The following CHEK2 variants were observed in gnomAD, a reference collection of about 807,000 sequenced individuals.
CHEK2 encodes the protein checkpoint kinase 2, also known as serine/threonine-protein kinase Chk2.
In CHEK2, 71 loss-of-function variants were observed where a neutral mutation model predicts 69.1. The observed-to-expected ratio is 1.03, with a 90% CI of 0.85 to 1.25. CHEK2 has a LOEUF of 1.25. CHEK2 is among the 50% of genes most tolerant of loss of function. The pLI is 0.00. For missense variants in CHEK2, 664 were observed against 649.6 expected (o/e 1.02, Z -0.24); for synonymous variants, 189 against 226.9 (o/e 0.83, Z 1.50).
At position 28,710,010 on chromosome 22, in the gene CHEK2, T is replaced by C. The variant is rs587782196; in HGVS notation, c.842A>G (p.Asn281Ser). Residue 281 changes from asparagine (N) to serine (S), a missense_variant, in exon 7 of 15, where the codon AAT becomes AGT. Asn to Ser is a conservative substitution (Grantham distance 46). Coordinates refer to ENST00000404276, the MANE Select transcript of CHEK2 (RefSeq NM_007194.4). ...ETEIEILKKLNHPCIIKIKNF... is the reference protein window; with the variant it reads ...ETEIEILKKLSHPCIIKIKNF... The stretch of plus-strand genomic sequence containing the variant: ...GAGTCATATAATAATACTTACATGA[T>C]TTAGCTTTTTCAAAATTTCTATTTC... The C allele has an allele frequency of 6.0e-6, 9 of 1,511,266 alleles. No homozygotes were observed. Among genetic ancestry groups the C allele is most frequent in the Middle Eastern group, 4.3e-4 (2 of 4,670 alleles). 93.6% of individuals were successfully genotyped at this position (1,511,266 alleles called of 1,614,324 possible).
At chr22:28,734,049 C>T (rs1344332003) in intron 2 of CHEK2, among the ~76,000 whole-genome samples, 2 of 152,132 alleles carry the variant, frequency 1.3e-5, no homozygotes, top group African/African-American at 4.8e-5. Flanking sequence ...CTTGGAATGG[C>T]CGAGCTCCAA....
At chr22:28,703,939 T>A (rs181034423) in intron 7 of CHEK2, among the ~76,000 whole-genome samples, 1 of 152,256 alleles carries the variant, frequency 6.6e-6, no homozygotes, top group Admixed American at 6.5e-5. Context: ...GAATAAAAGC[T>A]GTCAAGTAGG....
chr22:28,724,116 T>C (rs2053901284), intron 4 of CHEK2, among the ~76,000 whole-genome samples: 1 of 151,924 alleles, frequency 6.6e-6, no homozygotes, highest in African/African-American at 2.4e-5. Flanking sequence ...ATAATTCAAT[T>C]AACAGTATAT....
chr22:28,718,342 T>C (rs914221641), intron 5 of CHEK2, among the ~76,000 whole-genome samples: 2 of 152,158 alleles, frequency 1.3e-5, no homozygotes, highest in Non-Finnish European at 2.9e-5. Context: ...AGTAAATTAG[T>C]ACAGCCATTT....
intron 2 of CHEK2, among the ~76,000 whole-genome samples, chr22:28,733,606 C>G (rs1429350097): frequency 6.6e-6 from 1 of 152,118 alleles, no homozygotes; most frequent in Non-Finnish European, 1.5e-5. Flanking sequence ...GGCAGGGAAT[C>G]TATGGCCAAT....
intron 4 of CHEK2, chr22:28,721,635 T>C (rs978194940): frequency 2.2e-6 from 1 of 457,438 alleles, no homozygotes; most frequent in Admixed American, 2.6e-5. Flanking sequence ...ATTTTCTCTA[T>C]TAAAAAAAAA....
rs1289822691 is a variant in CHEK2, at chr22:28,716,016, C to T, written c.683+3379G>A. Among the ~76,000 whole-genome samples, 3 of 151,824 alleles carry T rather than the reference C, an allele frequency of 2.0e-5. No individual in the cohort carries two copies. The South Asian group carries it at 6.2e-4, about 31-fold the overall frequency. ...AAGTAGCTGGGACTACAGGTGCAGA[C>T]CGCAACGCTCAGCTAACTTTTTCTA... On this transcript the variant is annotated intron_variant, in intron 5 of 14. Transcript: ENST00000404276.
At chr22:28,701,085 G>A (rs577334756) in intron 8 of CHEK2, among the ~76,000 whole-genome samples, 30 of 151,410 alleles carry the variant, frequency 2.0e-4, no homozygotes, top group East Asian at 2.0e-4. Flanking sequence ...CACCGTGCCC[G>A]GCTCTGTATT....
chr22:28,741,372 G>A (rs1054842920), intron 1 of CHEK2, among the ~76,000 whole-genome samples: 3 of 151,764 alleles, frequency 2.0e-5, no homozygotes, highest in Admixed American at 6.6e-5. Context: ...GGGACACGCA[G>A]AACATCCTCC....
intron 11 of CHEK2, 30 bp from the exon 12 acceptor site, chr22:28,695,272 G>T (rs1237085596): frequency 5.7e-6 from 7 of 1,234,254 alleles, no homozygotes; most frequent in East Asian, 2.3e-5. Flanking sequence ...GAAAGGAAAA[G>T]AAATCAAGTG....
chr22:28,690,510 C>G (rs2052319097), intron 13 of CHEK2, among the ~76,000 whole-genome samples: 1 of 151,936 alleles, frequency 6.6e-6, no homozygotes. Context: ...CGCCTGTAAT[C>G]CCAGCTACTC....
intron 4 of CHEK2, among the ~76,000 whole-genome samples, chr22:28,722,207 A>C (rs779469433): frequency 2.6e-5 from 4 of 152,064 alleles, no homozygotes; most frequent in Non-Finnish European, 4.4e-5. Context: ...ACAAACAGCA[A>C]AACCTAAAGC....
intron 4 of CHEK2, among the ~76,000 whole-genome samples, chr22:28,722,539 C>CAAAAAAAAAAAAAAA (rs755107963): frequency 4.6e-4 from 31 of 67,822 alleles, no homozygotes; most frequent in Non-Finnish European, 7.2e-4. Context: ...GACTCCGTCT[C>CAAAAAAAAAAAAAAA]AAAAAAAAAA....
chr22:28,737,705 C>T (rs1601361099), intron 1 of CHEK2, among the ~76,000 whole-genome samples: 1 of 152,028 alleles, frequency 6.6e-6, no homozygotes, highest in East Asian at 1.9e-4. Flanking sequence ...AACTGCAGAC[C>T]TCAGGTGATC....
Position 28,689,186 on chromosome 22 carries a change from A to G in CHEK2, c.1491T>C (p.Asp497=), listed in dbSNP as rs762041905. 13 of 1,594,054 alleles carry G rather than the reference A, an allele frequency of 8.2e-6. No individual in the cohort carries two copies. The East Asian group carries it at 2.5e-4, about 30-fold the overall frequency. Residue 497 remains aspartate (D), a synonymous_variant, in exon 14 of 15, where the codon GAT becomes GAC. Transcript: ENST00000404276. ...QDEDMKRKFQ[D]LLSEENESTA... ...TGGATTCATTTTCCTCAGACAGAAG[A>G]TCTTGAAACTTTCTCTTCATGTCTT...
intron 2 of CHEK2, chr22:28,730,670 C>G (rs1475241552): frequency 2.3e-6 from 1 of 434,990 alleles, no homozygotes; most frequent in Non-Finnish European, 4.2e-6. Context: ...CCAGCCTGGC[C>G]AACATGGTGA....
rs1555932504 is a variant in CHEK2, at chr22:28,734,585, A to C, written c.137T>G (p.Met46Arg). 6.2e-7 allele frequency: 1 copy of C among 1,613,896 alleles called. No individual in the cohort carries two copies. Among genetic ancestry groups the C allele is most frequent in the Non-Finnish European group, 8.5e-7 (1 of 1,180,018 alleles). The change falls in exon 2 of 15, where the codon ATG becomes AGG. Residue 46 changes from methionine to arginine, a missense_variant. By Grantham distance (91) the Met-to-Arg change is moderately conservative. Coordinates refer to ENST00000404276, the MANE Select transcript of CHEK2 (RefSeq NM_007194.4). ...QGISSSSTST[M>R]PNSSQSSHSS... ...GTGAGAGGACTGGCTGGAGTTTGGCATCGTGCTGGTAGAGGAGCTGGATAT... is the reference window on the plus strand; with the variant it reads ...GTGAGAGGACTGGCTGGAGTTTGGCCTCGTGCTGGTAGAGGAGCTGGATAT...
rs773670297 is a variant in CHEK2 at position 28,687,906 on chromosome 22, A to G, written c.1623T>C (p.Ala541=). The G allele has an allele frequency of 1.7e-5, 27 of 1,596,198 alleles. No homozygotes were observed. Among genetic ancestry groups the G allele is most frequent in the Non-Finnish European group, 2.2e-5 (26 of 1,179,628 alleles). Residue 541 remains alanine (A), a synonymous_variant, in exon 15 of 15, where the codon GCT becomes GCC. Coordinates refer to ENST00000404276, the MANE Select transcript of CHEK2 (RefSeq NM_007194.4). Reference sequence around the variant, plus strand: ...GTTCAAACCACGGAGTTCACAACACAGCAGCACACACAGCTGGGCGCTTTG... The same window carrying G: ...GTTCAAACCACGGAGTTCACAACACGGCAGCACACACAGCTGGGCGCTTTG... ...ETTKRPAVCA[A]VL
At chr22:28,697,592 C>A (rs1306181618) in intron 9 of CHEK2, among the ~76,000 whole-genome samples, 2 of 148,088 alleles carry the variant, frequency 1.4e-5, no homozygotes, top group Non-Finnish European at 3.0e-5. Flanking sequence ...TTTCTTGAAA[C>A]AAGGTCTCAC....
Sources: allele counts gnomAD v4.1 joint callset (sites outside exome capture counted in the v4.1 genomes callset), GRCh38; gene constraint gnomAD v4.1.1; transcripts MANE v1.5; gene names NCBI Gene and HGNC (gene_info 2026-07-23, HGNC 2026-07-21).